The following KMT5B variants were observed in gnomAD, a reference collection of about 807,000 sequenced individuals.
KMT5B encodes histone-lysine N-methyltransferase KMT5B.
A neutral mutation model predicts 83.2 loss-of-function variants in KMT5B; 10 were observed. The ratio of observed to expected loss-of-function variants is 0.12; its 90% CI spans 0.07 to 0.20. KMT5B has a LOEUF of 0.20. Ranked by LOEUF, KMT5B falls within the 10% of genes least tolerant of loss-of-function variation. The pLI, the probability that KMT5B is intolerant of heterozygous loss-of-function variation, is 1.00. For synonymous variants in KMT5B, 349 were observed against 388.8 expected (o/e 0.90, Z 1.20); for missense variants, 753 against 1,067.2 (o/e 0.71, Z 4.10).
rs969950488 is a variant in KMT5B at position 68,171,370 on chromosome 11, G to T, written c.821-119C>A. The T allele has an allele frequency of 1.5e-6, 2 of 1,322,822 alleles. No individual in the cohort carries two copies. Among genetic ancestry groups the T allele is most frequent in the African/African-American group, 1.5e-5 (1 of 67,078 alleles). 81.9% of individuals were successfully genotyped at this position (1,322,822 alleles called of 1,614,324 possible). On this transcript the variant is annotated intron_variant, in intron 7 of 10. Coordinates refer to ENST00000304363, the MANE Select transcript of KMT5B (RefSeq NM_017635.5). This position sits in a 1 kb window ranked among gnomAD's most constrained non-coding sequence, Gnocchi z 5.1. ...TTTACAACTTTTGATAGGAGTTTAGGTCTCAAGTTCAACTAAAGGAATATA... is the reference window on the plus strand; with the variant it reads ...TTTACAACTTTTGATAGGAGTTTAGTTCTCAAGTTCAACTAAAGGAATATA...
Position 68,171,262 on chromosome 11 carries a change from T to C in KMT5B, c.821-11A>G, listed in dbSNP as rs201977872. The C allele has an allele frequency of 3.4e-4, 553 of 1,608,756 alleles. No individual in the cohort carries two copies. The highest frequency in any genetic ancestry group is 4.4e-4 in the Non-Finnish European group (520 of 1,178,650). On this transcript the variant is annotated splice_polypyrimidine_tract_variant and intron_variant, in intron 7 of 10. Coordinates refer to ENST00000304363, the MANE Select transcript of KMT5B (RefSeq NM_017635.5). The surrounding 1 kb of genome is among the most constrained non-coding windows in gnomAD (Gnocchi z 5.1). ...AATTAGGTCTGCAATCTGAAAAATG[T>C]CCAAAAGATAAAGTCAATTAACTGT...
chr11:68,174,042 G>A (rs1856101098), intron 5 of KMT5B, 129 bp from the exon 6 acceptor site: 1 of 713,868 alleles, frequency 1.4e-6, no homozygotes, highest in Admixed American at 2.0e-5. Flanking sequence ...AACATAGCGA[G>A]ACCCTGTCTC....
rs1340701667 is a variant in KMT5B at position 68,171,728 on chromosome 11, G to A, written c.654-19C>T. 7.6e-6 allele frequency: 12 copies of A among 1,582,418 alleles called. No individual in the cohort carries two copies. Among genetic ancestry groups the A allele is most frequent in the Admixed American group, 1.7e-5 (1 of 57,536 alleles). Reference sequence around the variant, plus strand: ...TCGTTTCCTATTTAAAATATGTGATGTGTTAAAAATTACTAGTAATTAAAT... The same window carrying A: ...TCGTTTCCTATTTAAAATATGTGATATGTTAAAAATTACTAGTAATTAAAT... On this transcript the variant is annotated intron_variant, in intron 6 of 10. Coordinates refer to ENST00000304363, the MANE Select transcript of KMT5B (RefSeq NM_017635.5). The surrounding 1 kb of genome is among the most constrained non-coding windows in gnomAD (Gnocchi z 5.1).
intron 1 of KMT5B, among the ~76,000 whole-genome samples, chr11:68,211,882 T>C (rs1199663189): frequency 6.6e-6 from 1 of 152,160 alleles, no homozygotes; most frequent in Non-Finnish European, 1.5e-5. Flanking sequence ...CAAGCCGGGA[T>C]TAGAGCGTTT....
chr11:68,184,377 G>C (rs1263915991), intron 3 of KMT5B, among the ~76,000 whole-genome samples: 2 of 150,480 alleles, frequency 1.3e-5, no homozygotes, highest in East Asian at 3.9e-4. Context: ...ATCTAAAAAA[G>C]AAAAGAAAAA....
chr11:68,161,276 C>T (rs1189372227), intron 10 of KMT5B, among the ~76,000 whole-genome samples: 2 of 152,050 alleles, frequency 1.3e-5, no homozygotes, highest in East Asian at 3.8e-4. Flanking sequence ...TGCTTGCCTA[C>T]AAGGTGGACT....
intron 2 of KMT5B, among the ~76,000 whole-genome samples, chr11:68,188,916 CCACT>C: frequency 6.6e-6 from 1 of 152,248 alleles, no homozygotes; most frequent in South Asian, 2.1e-4. Flanking sequence ...ATGCAGAGGA[CCACT>C]CATTCAGTCT....
At chr11:68,163,541 C>CA (rs1855039145) in intron 10 of KMT5B, among the ~76,000 whole-genome samples, 2 of 152,294 alleles carry the variant, frequency 1.3e-5, no homozygotes, top group South Asian at 4.1e-4. Flanking sequence ...TCCAGTCAGA[C>CA]AAAAGAGCTG....
chr11:68,181,856 C>T (rs921506517), intron 3 of KMT5B, among the ~76,000 whole-genome samples: 13 of 152,162 alleles, frequency 8.5e-5, no homozygotes, highest in East Asian at 3.8e-4. Context: ...TAAAAGCACA[C>T]GTAAACGGAA....
rs1403134318 is a variant in KMT5B, at chr11:68,171,306, G to C, written c.821-55C>G. 2 of 1,582,646 alleles carry C rather than the reference G, an allele frequency of 1.3e-6. No homozygotes were observed. Among genetic ancestry groups the C allele is most frequent in the East Asian group, 2.2e-5 (1 of 44,672 alleles). On this transcript the variant is annotated intron_variant, in intron 7 of 10. Coordinates refer to ENST00000304363, the MANE Select transcript of KMT5B (RefSeq NM_017635.5). The surrounding 1 kb of genome is among the most constrained non-coding windows in gnomAD (Gnocchi z 5.1). ...TAACTGTTGATAAGATCTGAAACAC[G>C]AACAATTATAGAAATCTGAAATAAG...
intron 1 of KMT5B, among the ~76,000 whole-genome samples, chr11:68,197,244 A>G (rs1858834842): frequency 6.6e-6 from 1 of 152,150 alleles, no homozygotes; most frequent in East Asian, 1.9e-4. Flanking sequence ...AAGTGCTGGA[A>G]TTACAGGCGT....
intron 2 of KMT5B, among the ~76,000 whole-genome samples, chr11:68,189,359 A>G (rs1857790769): frequency 6.6e-6 from 1 of 152,242 alleles, no homozygotes; most frequent in Non-Finnish European, 1.5e-5. Flanking sequence ...CAAGAGGTAT[A>G]GAGGAAATAA....
In KMT5B at chr11:68,158,975, A is replaced by G. The variant is rs765500897; in HGVS notation, c.1371T>C (p.His457=). 1.9e-6 allele frequency: 3 copies of G among 1,612,118 alleles called. No homozygotes were observed. Among genetic ancestry groups the G allele is most frequent in the Non-Finnish European group, 1.7e-6 (2 of 1,179,618 alleles). The change falls in exon 11 of 11, where the codon CAT becomes CAC. Residue 457 remains histidine (H), a synonymous_variant. Coordinates refer to ENST00000304363, the MANE Select transcript of KMT5B (RefSeq NM_017635.5). ...PLLSKIKLRN[H]CKRLEQKNAS... is the part of the protein sequence containing the mutation. ...CATTCTTTTGCTCCAGCCGCTTGCA[A>G]TGATTTCTCAATTTTATCTTTGAAA...
intron 1 of KMT5B, among the ~76,000 whole-genome samples, chr11:68,200,561 G>C (rs976186662): frequency 6.6e-6 from 1 of 152,204 alleles, no homozygotes; most frequent in Non-Finnish European, 1.5e-5. Flanking sequence ...GAACGAGAGA[G>C]AGAGAGACTG....
chr11:68,207,851 A>T (rs1860348650), intron 1 of KMT5B, among the ~76,000 whole-genome samples: 1 of 146,446 alleles, frequency 6.8e-6, no homozygotes, highest in Non-Finnish European at 1.5e-5. Flanking sequence ...CAAATTTTTT[A>T]TTTTTTTAGA....
intron 4 of KMT5B, 112 bp from the exon 5 acceptor site, chr11:68,175,295 A>C: frequency 4.0e-6 from 3 of 742,516 alleles, no homozygotes; most frequent in Non-Finnish European, 6.5e-6. Context: ...CATGGTTATC[A>C]GAGCAAAGAT....
At chr11:68,188,322 C>G (rs1857656181) in intron 2 of KMT5B, among the ~76,000 whole-genome samples, 1 of 151,706 alleles carries the variant, frequency 6.6e-6, no homozygotes, top group African/African-American at 2.4e-5. Flanking sequence ...CCACGCCCGG[C>G]CCGTAATGGC....
At chr11:68,183,471 C>T (rs1389855902) in intron 3 of KMT5B, among the ~76,000 whole-genome samples, 1 of 152,004 alleles carries the variant, frequency 6.6e-6, no homozygotes, top group Non-Finnish European at 1.5e-5. Flanking sequence ...GATTCTCCTG[C>T]CTCAGCCTTC....
intron 1 of KMT5B, among the ~76,000 whole-genome samples, chr11:68,204,678 C>CCTAGGCT (rs1565262281): frequency 7.6e-6 from 1 of 132,110 alleles, no homozygotes; most frequent in African/African-American, 2.9e-5. Context: ...GGCAGTGGTG[C>CCTAGGCT]GATCTCAGCT....
Sources: allele counts gnomAD v4.1 joint callset (sites outside exome capture counted in the v4.1 genomes callset), GRCh38; gene constraint gnomAD v4.1.1; non-coding constraint Gnocchi (gnomAD v3.1); transcripts MANE v1.5; gene names NCBI Gene and HGNC (gene_info 2026-07-23, HGNC 2026-07-21).